HOMER2: variants seen among roughly 807,000 people sequenced by gnomAD.
The protein encoded by HOMER2 is homer protein homolog 2.
A neutral mutation model predicts 47.0 loss-of-function variants in HOMER2; 27 were observed. That is an observed-to-expected ratio of 0.57 (90% CI 0.42 to 0.79). The LOEUF is 0.79. Among genes scored for constraint, HOMER2 ranks in the 30% least tolerant of loss-of-function variants. The probability of loss-of-function intolerance (pLI) is 0.00; values close to 1 mark genes in which losing one functional copy is unlikely to be tolerated. For synonymous variants in HOMER2, 161 were observed against 163.8 expected (o/e 0.98, Z 0.13); for missense variants, 443 against 435.0 (o/e 1.02, Z -0.16).
chr15:82,866,368 A>C (rs2051967750), intron 3 of HOMER2, among the ~76,000 whole-genome samples: 1 of 152,182 alleles, frequency 6.6e-6, no homozygotes, highest in African/African-American at 2.4e-5. Flanking sequence ...CCCCCATTGT[A>C]CCTAGGAAGT....
chr15:82,968,242 G>A (rs920489944), intron 1 of HOMER2, among the ~76,000 whole-genome samples: 3 of 152,030 alleles, frequency 2.0e-5, no homozygotes, highest in African/African-American at 4.8e-5. Flanking sequence ...ACAATGTTGT[G>A]CAACTATCAC....
intron 1 of HOMER2, among the ~76,000 whole-genome samples, chr15:82,944,644 C>T (rs1373294217): frequency 6.6e-6 from 1 of 152,076 alleles, no homozygotes; most frequent in Non-Finnish European, 1.5e-5. Context: ...GGGTCCCTGC[C>T]CTCAGCCCCA....
upstream of HOMER2, chr15:82,952,841 G>A (rs1172596490): frequency 5.2e-6 from 2 of 382,736 alleles, no homozygotes; most frequent in African/African-American, 2.2e-5. Flanking sequence ...CGAGCCAAGA[G>A]GCGGGGGGCG....
chr15:82,925,391 T>C (rs1265572095), intron 1 of HOMER2, among the ~76,000 whole-genome samples: 2 of 152,192 alleles, frequency 1.3e-5, no homozygotes, highest in African/African-American at 4.8e-5. Context: ...TGGGTCTCTC[T>C]GTAGCCACCA....
intron 2 of HOMER2, among the ~76,000 whole-genome samples, chr15:82,877,673 G>A (rs2052393655): frequency 6.6e-6 from 1 of 152,156 alleles, no homozygotes; most frequent in Non-Finnish European, 1.5e-5. Context: ...TGATGTTCAT[G>A]TGCTACGGTC....
chr15:82,838,119 ATCTG>A (rs2051144710), exon 2 of HOMER2: 1 of 152,656 alleles, frequency 6.6e-6, no homozygotes, highest in Non-Finnish European at 1.5e-5. Flanking sequence ...CTAGGACCTG[ATCTG>A]TCTATGCTTT....
At chr15:82,839,589 C>CA (rs2051156294) in exon 2 of HOMER2, 1 of 152,158 alleles carries the variant, frequency 6.6e-6, no homozygotes, top group African/African-American at 2.4e-5. Context: ...CAAAGGTATA[C>CA]AAGCCTTTAA....
At chr15:82,943,974 G>T (rs978205883) in intron 1 of HOMER2, among the ~76,000 whole-genome samples, 7 of 151,634 alleles carry the variant, frequency 4.6e-5, no homozygotes, top group African/African-American at 1.7e-4. Context: ...CTGCACAGGG[G>T]TGGGGACTCT....
At chr15:82,975,337 T>C (rs1271620610) in intron 1 of HOMER2, among the ~76,000 whole-genome samples, 1 of 152,224 alleles carries the variant, frequency 6.6e-6, no homozygotes, top group African/African-American at 2.4e-5. Flanking sequence ...AGCTACCATA[T>C]GATCCAGCAA....
chr15:82,922,566 G>C lies in HOMER2; in HGVS notation c.6-29725C>G, dbSNP rs1567056528. On this transcript the variant is annotated intron_variant, in intron 1 of 8. Coordinates refer to ENST00000450735, the MANE Select transcript of HOMER2 (RefSeq NM_004839.4). ...TGCTGGCTCGGAAGAAGCCGAGAGA[G>C]GCCACATTCAATAGAAAGTTAGCCC... Among the ~76,000 whole-genome samples, 3 of 152,152 alleles carry C rather than the reference G, an allele frequency of 2.0e-5. No homozygotes were observed. The South Asian group carries it at 6.2e-4, about 32-fold the overall frequency.
At chr15:82,965,773 T>A (rs963139191) in intron 1 of HOMER2, among the ~76,000 whole-genome samples, 2 of 152,010 alleles carry the variant, frequency 1.3e-5, no homozygotes, top group African/African-American at 2.4e-5. Flanking sequence ...AAGCCCTTTT[T>A]TTTTTTTTTA....
chr15:82,903,763 G>C (rs1409632414), intron 1 of HOMER2, among the ~76,000 whole-genome samples: 1 of 152,218 alleles, frequency 6.6e-6, no homozygotes, highest in African/African-American at 2.4e-5. Context: ...GCGAGGCCAG[G>C]GCGGGCAGAT....
chr15:82,933,325 CAAGG>C (rs1335271795), intron 1 of HOMER2, among the ~76,000 whole-genome samples: 2 of 152,088 alleles, frequency 1.3e-5, no homozygotes, highest in Non-Finnish European at 2.9e-5. Context: ...CTCCTGGGCT[CAAGG>C]AATTCTGCTG....
chr15:82,866,901 G>A (rs566752014), intron 3 of HOMER2, among the ~76,000 whole-genome samples: 2 of 152,088 alleles, frequency 1.3e-5, no homozygotes, highest in Non-Finnish European at 2.9e-5. Context: ...GCGTGAAAAT[G>A]GACTAATATA....
chr15:82,971,059 C>G (rs2029969251), intron 1 of HOMER2, among the ~76,000 whole-genome samples: 1 of 152,194 alleles, frequency 6.6e-6, no homozygotes. Flanking sequence ...GGGAAGAAAA[C>G]AGTCCATTCA....
intron 1 of HOMER2, among the ~76,000 whole-genome samples, chr15:82,949,097 AT>A (rs34224088): frequency 0.22 from 33,872 of 152,078 alleles, 4,187 homozygotes; most frequent in East Asian, 0.57. Flanking sequence ...CTCTTGGCAA[AT>A]GAGTGCATGG....
At chr15:82,952,761 G>A (rs1438101137), upstream of HOMER2, 37 of 864,846 alleles carry the variant, frequency 4.3e-5, no homozygotes, top group Non-Finnish European at 4.9e-5. Context: ...GGCGGTGCCC[G>A]CCCCGCCCTC....
intron 2 of HOMER2, among the ~76,000 whole-genome samples, chr15:82,880,117 T>C (rs1026486981): frequency 6.6e-6 from 1 of 152,228 alleles, no homozygotes; most frequent in African/African-American, 2.4e-5. Flanking sequence ...ACTATAACCC[T>C]CAGGCCAAAT....
chr15:82,869,476 T>TTTTTTTA (rs55829888), intron 3 of HOMER2, among the ~76,000 whole-genome samples: 1 of 131,880 alleles, frequency 7.6e-6, no homozygotes, highest in Admixed American at 8.3e-5. Flanking sequence ...TTTTTTTTTT[T>TTTTTTTA]GAGACAGAGT....
Sources: gnomAD v4.1 joint callset for allele counts (sites outside exome capture counted in the v4.1 genomes callset) on GRCh38, gnomAD v4.1.1 for gene constraint, MANE v1.5 for transcripts, NCBI Gene and HGNC (gene_info 2026-07-23, HGNC 2026-07-21) for gene names.